Variants in ARHGEF28 observed in about 807,000 individuals in gnomAD.
ARHGEF28 encodes 190 kDa guanine nucleotide exchange factor.
Under a neutral mutation model 206.6 loss-of-function variants are expected in ARHGEF28, and 152 were observed. That is an observed-to-expected ratio of 0.74 (90% CI 0.64 to 0.84). The LOEUF is 0.84. Among genes scored for constraint, ARHGEF28 ranks in the 40% least tolerant of loss-of-function variants. The pLI is 0.00. For missense variants in ARHGEF28, 2,028 were observed against 2,073.2 expected (o/e 0.98, Z 0.42); for synonymous variants, 763 against 776.4 (o/e 0.98, Z 0.29).
chr5:73,782,835 T>C (rs958403004), intron 7 of ARHGEF28, among the ~76,000 whole-genome samples: 1 of 152,216 alleles, frequency 6.6e-6, no homozygotes, highest in Non-Finnish European at 1.5e-5. Context: ...GTTTCTTACT[T>C]CTAGCTTTCT....
chr5:73,859,089 T>C (rs1260972196), intron 16 of ARHGEF28, among the ~76,000 whole-genome samples: 1 of 152,226 alleles, frequency 6.6e-6, no homozygotes, highest in East Asian at 1.9e-4. Context: ...GCCTGGCTCA[T>C]CCTTGCCCTC....
chr5:73,766,910 C>A (rs1752924631), intron 4 of ARHGEF28, among the ~76,000 whole-genome samples: 1 of 152,148 alleles, frequency 6.6e-6, no homozygotes, highest in South Asian at 2.1e-4. Context: ...GTGTCCCCAC[C>A]CAAATCTCAC....
intron 9 of ARHGEF28, among the ~76,000 whole-genome samples, chr5:73,806,671 T>G (rs1755507811): frequency 7.0e-6 from 1 of 143,816 alleles, no homozygotes; most frequent in African/African-American, 2.6e-5. Context: ...CATCTATATG[T>G]ACCATATATA....
At chr5:73,790,349 A>G (rs1181026524) in intron 7 of ARHGEF28, among the ~76,000 whole-genome samples, 2 of 151,622 alleles carry the variant, frequency 1.3e-5, no homozygotes, top group Non-Finnish European at 2.9e-5. Context: ...AAAGAAACAC[A>G]AGTAATTTAA....
At chr5:73,787,462 C>T (rs551593240) in intron 7 of ARHGEF28, among the ~76,000 whole-genome samples, 29 of 152,160 alleles carry the variant, frequency 1.9e-4, no homozygotes, top group Non-Finnish European at 3.2e-4. Context: ...TAGGTATACA[C>T]GTGCCATGGT....
At chr5:73,652,027 T>C (rs1240991320) in intron 1 of ARHGEF28, among the ~76,000 whole-genome samples, 1 of 152,212 alleles carries the variant, frequency 6.6e-6, no homozygotes, top group East Asian at 1.9e-4. Context: ...GCAGAGTAAG[T>C]GCTTGTTAAA....
chr5:73,787,449 A>C (rs533210605), intron 7 of ARHGEF28, among the ~76,000 whole-genome samples: 1 of 152,274 alleles, frequency 6.6e-6, no homozygotes, highest in African/African-American at 2.4e-5. Flanking sequence ...CAGGTTTGTT[A>C]CATAGGTATA....
chr5:73,873,127 G>T lies in ARHGEF28; in HGVS notation c.2695G>T (p.Glu899Ter), dbSNP rs762328677. 1 of 1,612,958 alleles carries T rather than the reference G, an allele frequency of 6.2e-7. No individual in the cohort carries two copies. ...GGATAAAATTTTCCCCTGTTTAGATGAGTTGCTTGAAATCCACAGGCATTT... is the reference window on the plus strand; with the variant it reads ...GGATAAAATTTTCCCCTGTTTAGATTAGTTGCTTGAAATCCACAGGCATTT... ...TVDKIFPCLDELLEIHRHFFY... is the reference protein window; with the variant it reads ...TVDKIFPCLD The change falls in exon 22 of 36, where the codon GAG becomes TAG. Residue 899 changes from glutamate (E) to a stop codon, truncating the protein, a stop_gained. Coordinates refer to ENST00000513042, the MANE Select transcript of ARHGEF28 (RefSeq NM_001177693.2). LOFTEE classifies it high-confidence loss of function.
chr5:73,887,428 A>G, intron 25 of ARHGEF28, 175 bp from the exon 26 acceptor site: 1 of 484,236 alleles, frequency 2.1e-6, no homozygotes, highest in Non-Finnish European at 3.6e-6. Flanking sequence ...ACAAACATGC[A>G]CACTTAAAGA....
At chr5:73,880,393 G>A (rs1041879809) in intron 22 of ARHGEF28, among the ~76,000 whole-genome samples, 19 of 152,324 alleles carry the variant, frequency 1.2e-4, no homozygotes, top group African/African-American at 2.4e-4. Flanking sequence ...GTGAGGCAAT[G>A]CCTCGCCCTG....
chr5:73,726,198 C>T (rs2112340161), intron 2 of ARHGEF28, among the ~76,000 whole-genome samples: 1 of 152,248 alleles, frequency 6.6e-6, no homozygotes, highest in East Asian at 1.9e-4. Flanking sequence ...GTGAAAAGCT[C>T]ACTGCCAGCC....
chr5:73,784,495 T>G (rs1754037159), intron 7 of ARHGEF28, among the ~76,000 whole-genome samples: 1 of 152,234 alleles, frequency 6.6e-6, no homozygotes, highest in African/African-American at 2.4e-5. Flanking sequence ...ATAAAAAACC[T>G]GGCTCCATAT....
chr5:73,831,046 A>G (rs1757268136), intron 9 of ARHGEF28, among the ~76,000 whole-genome samples: 1 of 152,198 alleles, frequency 6.6e-6, no homozygotes, highest in Non-Finnish European at 1.5e-5. Context: ...TATTACCATA[A>G]CACACTATGA....
At chr5:73,883,720 G>T in intron 23 of ARHGEF28, 47 bp from the exon 24 acceptor site, 1 of 1,265,806 alleles carries the variant, frequency 7.9e-7, no homozygotes, top group South Asian at 1.5e-5. Context: ...CACCTGAAAA[G>T]TAAATACAGG....
intron 4 of ARHGEF28, among the ~76,000 whole-genome samples, chr5:73,755,227 C>T (rs945978657): frequency 2.0e-4 from 31 of 151,594 alleles, no homozygotes; most frequent in African/African-American, 6.8e-4. Flanking sequence ...ATATTATATA[C>T]ATATAATGTT....
At position 73,712,997 on chromosome 5, in the gene ARHGEF28, C is replaced by T. The variant is rs186837536; in HGVS notation, c.33+28113C>T. On this transcript the variant is annotated intron_variant, in intron 2 of 35. Transcript: ENST00000513042. ...TTTATTCACCATTTATTGTGGTTTC[C>T]CCAAATGTAATTATATTTTCTTTCC... Among the ~76,000 whole-genome samples the T allele has an allele frequency of 4.6e-5, 7 of 152,126 alleles. No homozygotes were observed. The East Asian group carries it at 1.2e-3, about 25-fold the overall frequency.
At chr5:73,716,612 T>G (rs1052691791) in intron 2 of ARHGEF28, among the ~76,000 whole-genome samples, 1 of 152,178 alleles carries the variant, frequency 6.6e-6, no homozygotes, top group Non-Finnish European at 1.5e-5. Flanking sequence ...TTTGCTTTGT[T>G]GTGGATACAC....
chr5:73,627,448 C>T (rs1342000026), intron 1 of ARHGEF28, among the ~76,000 whole-genome samples: 1 of 152,162 alleles, frequency 6.6e-6, no homozygotes, highest in Non-Finnish European at 1.5e-5. Flanking sequence ...AGGACCTACC[C>T]TTGTTAGGTT....
intron 1 of ARHGEF28, among the ~76,000 whole-genome samples, chr5:73,632,391 C>T (rs1393858247): frequency 1.3e-5 from 2 of 152,160 alleles, no homozygotes; most frequent in African/African-American, 4.8e-5. Flanking sequence ...TCTCTAGTCT[C>T]CAGAAGGTGC....
Sources: allele counts gnomAD v4.1 joint callset (sites outside exome capture counted in the v4.1 genomes callset), GRCh38; gene constraint gnomAD v4.1.1; transcripts MANE v1.5; gene names NCBI Gene and HGNC (gene_info 2026-07-23, HGNC 2026-07-21).